LDOC1: variants seen among roughly 807,000 people sequenced by gnomAD.
LDOC1 encodes the protein LDOC1 regulator of NFKB signaling, also known as protein LDOC1.
LDOC1 carries 1 observed loss-of-function variant against 4.9 expected under a neutral mutation model. That is an observed-to-expected ratio of 0.20 (90% confidence interval 0.07 to 0.96). The LOEUF (loss-of-function observed/expected upper bound fraction) is 0.96. LDOC1 is among the 40% of genes least tolerant of loss of function. The probability of loss-of-function intolerance (pLI) is 0.62; values close to 1 mark genes in which losing one functional copy is unlikely to be tolerated. For synonymous variants in LDOC1, 55 were observed against 58.3 expected, an observed-to-expected ratio of 0.94 and a Z score of 0.26; for missense variants, 76 against 128.1, an observed-to-expected ratio of 0.59 and a Z score of 1.96.
In LDOC1 at chrX:141,177,100, T is replaced by G. The variant is rs2013625939; in HGVS notation, c.-79A>C. ...GCACGGAGCCCTCGCAGGAAGTGCG[T>G]GTCCACGGAGGCGCTTGGTGGCCAG... is the stretch of plus-strand genomic sequence containing the variant. On this transcript the variant is annotated 5_prime_UTR_variant, in exon 1 of 1. Coordinates refer to ENST00000370526, the MANE Select transcript of LDOC1 (RefSeq NM_012317.4). 1 of 585,062 alleles carries G rather than the reference T, an allele frequency of 1.7e-6. No individual in the cohort carries two copies. The highest frequency in any genetic ancestry group is 7.4e-5 in the East Asian group (1 of 13,437). The allele number at this position is 585,062 out of a possible 1,213,427, so 48.2% of individuals were successfully genotyped here.
Position 141,175,558 on chromosome X carries a change from AG to A in LDOC1, c.*1022del, listed in dbSNP as rs2013606818. Among the ~76,000 whole-genome samples, 1 of 111,902 alleles carries A rather than the reference AG, an allele frequency of 8.9e-6. No individual in the cohort carries two copies. The highest frequency in any genetic ancestry group is 3.7e-4 in the South Asian group (1 of 2,679). Reference sequence around the variant, plus strand: ...GAACACACCCTTTGCCAGGGCTTTAAGAAATGCGTTGGTGAAGGGAGCATCA... The same window carrying A: ...GAACACACCCTTTGCCAGGGCTTTAAAAATGCGTTGGTGAAGGGAGCATCA... On this transcript the variant is annotated 3_prime_UTR_variant, in exon 1 of 1. Transcript: ENST00000370526.
rs2013602389 is a variant in LDOC1, at chrX:141,175,122, G to T, written c.*1459C>A. ...ACCAAGCATCTTGCTAATTTCCATAGGGAGGAATCTGGGACACATCTATGA... is the reference window on the plus strand; with the variant it reads ...ACCAAGCATCTTGCTAATTTCCATATGGAGGAATCTGGGACACATCTATGA... On this transcript the variant is annotated 3_prime_UTR_variant, in exon 1 of 1. Coordinates refer to ENST00000370526, the MANE Select transcript of LDOC1 (RefSeq NM_012317.4). Among the ~76,000 whole-genome samples the T allele has an allele frequency of 8.9e-6, 1 of 112,054 alleles. No individual in the cohort carries two copies. Among genetic ancestry groups the T allele is most frequent in the Admixed American group, 9.5e-5 (1 of 10,548 alleles).
In LDOC1 at chrX:141,176,490, G is replaced by A. The variant is rs1409294913; in HGVS notation, c.*91C>T. Reference sequence around the variant, plus strand: ...TAGGTAAGGGGACCGGAGGGCAAGGGGGAGAGCAGTGGCTCCTGGCGGGGT... The same window carrying A: ...TAGGTAAGGGGACCGGAGGGCAAGGAGGAGAGCAGTGGCTCCTGGCGGGGT... On this transcript the variant is annotated 3_prime_UTR_variant, in exon 1 of 1. Transcript: ENST00000370526. 5 of 1,098,020 alleles carry A rather than the reference G, an allele frequency of 4.6e-6. No homozygotes were observed. Among genetic ancestry groups the A allele is most frequent in the Admixed American group, 3.0e-5 (1 of 33,138 alleles). 90.5% of individuals were successfully genotyped at this position (1,098,020 alleles called of 1,213,427 possible). A position where few individuals can be genotyped will look rare whatever the true frequency, so the allele number is the denominator to read the frequency against.
Position 141,176,835 on chromosome X carries a change from G to C in LDOC1, c.187C>G (p.Arg63Gly), listed in dbSNP as rs782286173. Reference sequence around the variant, plus strand: ...GTCTGCACGATAAACTCGGGGAGCCGGGAGCTCTCGCCATTAAACGTTTCG... The same window carrying C: ...GTCTGCACGATAAACTCGGGGAGCCCGGAGCTCTCGCCATTAAACGTTTCG... ...FPETFNGESS[R>G]LPEFIVQTAS... The change falls in exon 1 of 1, where the codon CGG becomes GGG. Residue 63 changes from arginine (R) to glycine (G), a missense_variant. Arg to Gly is a moderately radical substitution (Grantham distance 125). Transcript: ENST00000370526. 8.3e-7 allele frequency: 1 copy of C among 1,211,748 alleles called. No individual in the cohort carries two copies. Among genetic ancestry groups the C allele is most frequent in the Middle Eastern group, 2.3e-4 (1 of 4,355 alleles).
chrX:141,176,347 G>A lies in LDOC1; in HGVS notation c.*234C>T. 1 of 443,325 alleles carries A rather than the reference G, an allele frequency of 2.3e-6. No homozygotes were observed. The highest frequency in any genetic ancestry group is 3.9e-6 in the Non-Finnish European group (1 of 258,113). 36.5% of individuals were successfully genotyped at this position (443,325 alleles called of 1,213,427 possible). A position where few individuals can be genotyped will look rare whatever the true frequency, so the allele number is the denominator to read the frequency against. ...TGGCCAGGGTAGATGACACTTCCAA[G>A]CACTTCCGAGTGAGTGAGGCTCCAG... On this transcript the variant is annotated 3_prime_UTR_variant, in exon 1 of 1. Transcript: ENST00000370526.
In LDOC1 at chrX:141,174,598, C is replaced by T. The variant is rs1019224849; in HGVS notation, c.*1983G>A. ...CTGTTCCCTGGCCCAGGAGTAACAG[C>T]CCATGGTTTGCTGAGTGCTCACCAT... is the stretch of plus-strand genomic sequence containing the variant. On this transcript the variant is annotated 3_prime_UTR_variant, in exon 1 of 1. Transcript: ENST00000370526. 8.9e-6 allele frequency among the ~76,000 whole-genome samples: 1 copy of T among 111,753 alleles called. No individual in the cohort carries two copies. The highest frequency in any genetic ancestry group is 1.9e-5 in the Non-Finnish European group (1 of 53,189).
In LDOC1 at chrX:141,176,746, T is replaced by G. The variant is rs1556283518; in HGVS notation, c.276A>C (p.Leu92=). The change falls in exon 1 of 1, where the codon CTA becomes CTC. Residue 92 remains leucine, a synonymous_variant. Coordinates refer to ENST00000370526, the MANE Select transcript of LDOC1 (RefSeq NM_012317.4). ...FCNDAMKVAF[L]ISLLTGEAEE... is the part of the protein sequence containing the mutation. Reference sequence around the variant, plus strand: ...CGGCTTCCCCGGTGAGGAGGCTGATTAGGAATGCCACCTTCATGGCGTCGT... The same window carrying G: ...CGGCTTCCCCGGTGAGGAGGCTGATGAGGAATGCCACCTTCATGGCGTCGT... 1 of 1,211,873 alleles carries G rather than the reference T, an allele frequency of 8.3e-7. No individual in the cohort carries two copies. Among genetic ancestry groups the G allele is most frequent in the South Asian group, 1.8e-5 (1 of 56,991 alleles).
Position 141,175,815 on chromosome X carries a change from G to A in LDOC1, c.*766C>T, listed in dbSNP as rs1359301790. ...TTTTTCCAGGTAGTATTGAGGAGCTGGGCTGAGTGCTTGTTTGTTTTGTTT... is the reference window on the plus strand; with the variant it reads ...TTTTTCCAGGTAGTATTGAGGAGCTAGGCTGAGTGCTTGTTTGTTTTGTTT... On this transcript the variant is annotated 3_prime_UTR_variant, in exon 1 of 1. Coordinates refer to ENST00000370526, the MANE Select transcript of LDOC1 (RefSeq NM_012317.4). 8.9e-6 allele frequency: 1 copy of A among 112,729 alleles called. No individual in the cohort carries two copies. The highest frequency in any genetic ancestry group is 2.8e-4 in the East Asian group (1 of 3,575). 9.3% of individuals were successfully genotyped at this position (112,729 alleles called of 1,213,427 possible).
chrX:141,177,129 C>A lies in LDOC1; in HGVS notation c.-108G>T. ...CACGGAGGCGCTTGGTGGCCAGGGG[C>A]GGGGGGCGGGGGGCGGTGTGCGCCG... On this transcript the variant is annotated 5_prime_UTR_variant, in exon 1 of 1. Coordinates refer to ENST00000370526, the MANE Select transcript of LDOC1 (RefSeq NM_012317.4). 1 of 558,271 alleles carries A rather than the reference C, an allele frequency of 1.8e-6. No individual in the cohort carries two copies. The highest frequency in any genetic ancestry group is 2.2e-6 in the Non-Finnish European group (1 of 456,848). The allele number at this position is 558,271 out of a possible 1,213,427, so 46.0% of individuals were successfully genotyped here.
In LDOC1 at chrX:141,173,754, C is replaced by G. The variant is rs1291168335; in HGVS notation, c.*2827G>C. On this transcript the variant is annotated 3_prime_UTR_variant, in exon 1 of 1. Coordinates refer to ENST00000370526, the MANE Select transcript of LDOC1 (RefSeq NM_012317.4). ...TCTCCCAGATGCCATTCAGATGCTG[C>G]CTTGGCATGGCATCCTTACTGAACC... Among the ~76,000 whole-genome samples, 2 of 112,130 alleles carry G rather than the reference C, an allele frequency of 1.8e-5. No individual in the cohort carries two copies. Among genetic ancestry groups the G allele is most frequent in the East Asian group, 5.6e-4 (2 of 3,548 alleles).
chrX:141,177,121 GC>G lies in LDOC1; in HGVS notation c.-101del. On this transcript the variant is annotated 5_prime_UTR_variant, in exon 1 of 1. Transcript: ENST00000370526. ...TGCGTGTCCACGGAGGCGCTTGGTGGCCAGGGGCGGGGGGCGGGGGGCGGTG... is the reference window on the plus strand; with the variant it reads ...TGCGTGTCCACGGAGGCGCTTGGTGGCAGGGGCGGGGGGCGGGGGGCGGTG... The G allele has an allele frequency of 3.6e-6, 1 of 279,107 alleles. No individual in the cohort carries two copies. Among genetic ancestry groups the G allele is most frequent in the Non-Finnish European group, 6.3e-6 (1 of 158,484 alleles). 23.0% of individuals were successfully genotyped at this position (279,107 alleles called of 1,213,427 possible).
Position 141,177,032 on chromosome X carries a change from C to T in LDOC1, c.-11G>A. On this transcript the variant is annotated 5_prime_UTR_variant, in exon 1 of 1. Transcript: ENST00000370526. ...CAACTCATCCACCATTGCGAACGGC[C>T]TGGAAGGACAGGACTCGGCTCGGTT... The T allele has an allele frequency of 1.0e-5, 12 of 1,194,226 alleles. No individual in the cohort carries two copies. The highest frequency in any genetic ancestry group is 1.8e-5 in the South Asian group (1 of 54,389).
rs782486289 is a variant in LDOC1 at position 141,173,678 on chromosome X, CACAT to C, written c.*2899_*2902del. 1 of 112,427 alleles carries C rather than the reference CACAT, an allele frequency of 8.9e-6. No homozygotes were observed. The highest frequency in any genetic ancestry group is 2.8e-4 in the East Asian group (1 of 3,553). 9.3% of individuals were successfully genotyped at this position (112,427 alleles called of 1,213,427 possible). A position where few individuals can be genotyped will look rare whatever the true frequency, so the allele number is the denominator to read the frequency against. On this transcript the variant is annotated 3_prime_UTR_variant, in exon 1 of 1. Transcript: ENST00000370526. ...CACAGCAAGCTCATGTGCACATGCA[CACAT>C]ACTCAGGAAATGTACACTTCAGATC...
chrX:141,174,481 T>C lies in LDOC1; in HGVS notation c.*2100A>G, dbSNP rs2013596593. Among the ~76,000 whole-genome samples the C allele has an allele frequency of 8.9e-6, 1 of 111,904 alleles. No individual in the cohort carries two copies. Among genetic ancestry groups the C allele is most frequent in the Non-Finnish European group, 1.9e-5 (1 of 53,214 alleles). On this transcript the variant is annotated 3_prime_UTR_variant, in exon 1 of 1. Coordinates refer to ENST00000370526, the MANE Select transcript of LDOC1 (RefSeq NM_012317.4). ...AATGGGGTCTTATCATGCTCTCATTTCCATTCTCCCTGAACCTGCTCTGCT... is the reference window on the plus strand; with the variant it reads ...AATGGGGTCTTATCATGCTCTCATTCCCATTCTCCCTGAACCTGCTCTGCT...
chrX:141,174,263 G>A lies in LDOC1; in HGVS notation c.*2318C>T, dbSNP rs782337121. Among the ~76,000 whole-genome samples, 53 of 110,922 alleles carry A rather than the reference G, an allele frequency of 4.8e-4. No individual in the cohort carries two copies. The Middle Eastern group carries it at 0.014, about 30-fold the overall frequency. On this transcript the variant is annotated 3_prime_UTR_variant, in exon 1 of 1. Coordinates refer to ENST00000370526, the MANE Select transcript of LDOC1 (RefSeq NM_012317.4). The stretch of plus-strand genomic sequence containing the variant: ...GTCTCCTTGATTCAGATTTGGAGGC[G>A]GCAGCTCCCTGAAGAGCCCCAGATC...
Position 141,176,573 on chromosome X carries a change from TCGAGGGC to T in LDOC1, c.*1_*7del, listed in dbSNP as rs1165246234. 7 of 1,193,646 alleles carry T rather than the reference TCGAGGGC, an allele frequency of 5.9e-6. No individual in the cohort carries two copies. Among genetic ancestry groups the T allele is most frequent in the Non-Finnish European group, 5.6e-6 (5 of 885,374 alleles). On this transcript the variant is annotated 3_prime_UTR_variant, in exon 1 of 1. Transcript: ENST00000370526. ...GGCCCTCCCCCCCGAGGCCCGAGGGTCGAGGGCCTAATAATCATCCTCCTCTTCTTCG... is the reference window on the plus strand; with the variant it reads ...GGCCCTCCCCCCCGAGGCCCGAGGGTCTAATAATCATCCTCCTCTTCTTCG...
At position 141,174,945 on chromosome X, in the gene LDOC1, T is replaced by C. The variant is rs1248470764; in HGVS notation, c.*1636A>G. Among the ~76,000 whole-genome samples, 1 of 111,590 alleles carries C rather than the reference T, an allele frequency of 9.0e-6. No individual in the cohort carries two copies. The highest frequency in any genetic ancestry group is 1.9e-5 in the Non-Finnish European group (1 of 53,154). The stretch of plus-strand genomic sequence containing the variant: ...AATCCCCAACCAAGCTGCTCTGCAT[T>C]AAACATTTCAATGACTTAACCTGGA... On this transcript the variant is annotated 3_prime_UTR_variant, in exon 1 of 1. Transcript: ENST00000370526.
In LDOC1 at chrX:141,175,497, G is replaced by A. The variant is rs1209668944; in HGVS notation, c.*1084C>T. Among the ~76,000 whole-genome samples, 37 of 112,113 alleles carry A rather than the reference G, an allele frequency of 3.3e-4. No homozygotes were observed. The highest frequency in any genetic ancestry group is 2.6e-3 in the Admixed American group (28 of 10,575). On this transcript the variant is annotated 3_prime_UTR_variant, in exon 1 of 1. Coordinates refer to ENST00000370526, the MANE Select transcript of LDOC1 (RefSeq NM_012317.4). Reference sequence around the variant, plus strand: ...TACTGCTCTCTTTGCCGTCTGCTCAGCCAACCCTTAACCACGCCACCCTGG... The same window carrying A: ...TACTGCTCTCTTTGCCGTCTGCTCAACCAACCCTTAACCACGCCACCCTGG...
Position 141,176,978 on chromosome X carries a change from C to T in LDOC1, c.44G>A (p.Arg15Gln), listed in dbSNP as rs1556283582. 2 of 1,208,083 alleles carry T rather than the reference C, an allele frequency of 1.7e-6. No individual in the cohort carries two copies. The highest frequency in any genetic ancestry group is 1.8e-5 in the South Asian group (1 of 56,595). Residue 15 changes from arginine to glutamine, a missense_variant, in exon 1 of 1, where the codon CGG (arginine) becomes CAG (glutamine). Arg to Gln is a conservative substitution (Grantham distance 43). Transcript: ENST00000370526. The stretch of plus-strand genomic sequence containing the variant: ...GTTCTCGATGCTCAGGGCGCGGTGC[C>T]GCATCAGGAGCGCGTGCAGCAGCAG... ...LVLLLHALLM[R>Q]HRALSIENSQ... is the part of the protein sequence containing the mutation.
Sources: allele counts gnomAD v4.1 joint callset (sites outside exome capture counted in the v4.1 genomes callset), GRCh38; gene constraint gnomAD v4.1.1; transcripts MANE v1.5; gene names NCBI Gene and HGNC (gene_info 2026-07-23, HGNC 2026-07-21).